VPS13B: variants seen among roughly 807,000 people sequenced by gnomAD.
The protein encoded by VPS13B is intermembrane lipid transfer protein VPS13B.
Under a neutral mutation model 426.4 loss-of-function variants are expected in VPS13B, and 285 were observed. That is an observed-to-expected ratio of 0.67 (90% CI 0.61 to 0.74). The LOEUF (loss-of-function observed/expected upper bound fraction) is 0.74. VPS13B is among the 30% of genes least tolerant of loss of function. The pLI is 0.00. For missense variants in VPS13B, 4,537 were observed against 4,782.6 expected (o/e 0.95, Z 1.51); for synonymous variants, 1,676 against 1,676.4 (o/e 1.00, Z 0.01).
intron 17 of VPS13B, among the ~76,000 whole-genome samples, chr8:99,262,994 C>A (rs1220713586): frequency 6.6e-6 from 1 of 151,988 alleles, no homozygotes; most frequent in Non-Finnish European, 1.5e-5. Context: ...AGACTTGTCT[C>A]AAACTCCTGA....
chr8:99,175,197 T>C (rs976669963), intron 16 of VPS13B, among the ~76,000 whole-genome samples: 7 of 152,214 alleles, frequency 4.6e-5, no homozygotes, highest in Admixed American at 2.6e-4. Flanking sequence ...ATTTGATGAT[T>C]CAGGACTTAA....
At chr8:99,056,315 C>T (rs1843859247) in intron 3 of VPS13B, among the ~76,000 whole-genome samples, 1 of 152,136 alleles carries the variant, frequency 6.6e-6, no homozygotes, top group Admixed American at 6.5e-5. Flanking sequence ...CCTGCCTCAG[C>T]CTCCAAAAAT....
intron 2 of VPS13B, among the ~76,000 whole-genome samples, chr8:99,020,749 A>G (rs1335330711): frequency 6.6e-6 from 1 of 152,214 alleles, no homozygotes; most frequent in Non-Finnish European, 1.5e-5. Context: ...TCATTTGACC[A>G]TAGATGTGAG....
At chr8:99,047,223 C>A (rs866729829) in intron 3 of VPS13B, among the ~76,000 whole-genome samples, 1 of 151,956 alleles carries the variant, frequency 6.6e-6, no homozygotes, top group Middle Eastern at 3.4e-3. Flanking sequence ...ACTGGTCTGT[C>A]CAGGGTATCA....
chr8:99,775,205 T>C (rs1440250081), intron 40 of VPS13B, among the ~76,000 whole-genome samples: 1 of 152,160 alleles, frequency 6.6e-6, no homozygotes, highest in East Asian at 1.9e-4. Flanking sequence ...TGTCTACGTA[T>C]TGAGTATCAC....
intron 21 of VPS13B, among the ~76,000 whole-genome samples, chr8:99,404,170 T>C (rs972855256): frequency 1.3e-5 from 2 of 152,238 alleles, no homozygotes; most frequent in Non-Finnish European, 2.9e-5. Flanking sequence ...AACTGTAATG[T>C]CACTTAATTT....
At chr8:99,201,948 A>T (rs1814357454) in intron 17 of VPS13B, among the ~76,000 whole-genome samples, 1 of 152,212 alleles carries the variant, frequency 6.6e-6, no homozygotes, top group Non-Finnish European at 1.5e-5. Flanking sequence ...AAAATAATGA[A>T]AATATGTTTA....
At chr8:99,411,176 A>G (rs1006793965) in intron 21 of VPS13B, among the ~76,000 whole-genome samples, 2 of 152,194 alleles carry the variant, frequency 1.3e-5, no homozygotes, top group Non-Finnish European at 2.9e-5. Context: ...TTGCACTCCC[A>G]TCAATGGTGT....
intron 36 of VPS13B, among the ~76,000 whole-genome samples, chr8:99,707,440 G>A (rs527809225): frequency 6.6e-6 from 1 of 152,246 alleles, no homozygotes; most frequent in East Asian, 1.9e-4. Flanking sequence ...TGAATATGGA[G>A]GTCATAGATT....
intron 25 of VPS13B, among the ~76,000 whole-genome samples, chr8:99,491,425 A>T (rs145159863): frequency 0.017 from 2,541 of 152,228 alleles, 65 homozygotes; most frequent in African/African-American, 0.058. Flanking sequence ...TAGACTGGGG[A>T]AGTTCTCCTG....
intron 33 of VPS13B, among the ~76,000 whole-genome samples, chr8:99,634,017 A>G (rs1409204006): frequency 6.6e-6 from 1 of 152,006 alleles, no homozygotes; most frequent in Non-Finnish European, 1.5e-5. Flanking sequence ...TTTTTGAGTT[A>G]AACTATATGC....
intron 43 of VPS13B, among the ~76,000 whole-genome samples, chr8:99,806,825 C>T (rs906408446): frequency 4.6e-5 from 7 of 152,184 alleles, no homozygotes; most frequent in African/African-American, 1.4e-4. Context: ...AAACCTCTCA[C>T]GTTAGCTAGG....
chr8:99,049,024 AC>A (rs911817699), intron 3 of VPS13B, among the ~76,000 whole-genome samples: 11 of 151,976 alleles, frequency 7.2e-5, no homozygotes, highest in African/African-American at 2.4e-4. Flanking sequence ...ATGTCTTTCC[AC>A]CCCTTTACCT....
intron 19 of VPS13B, among the ~76,000 whole-genome samples, chr8:99,325,220 G>T (rs1273824591): frequency 6.6e-6 from 1 of 152,114 alleles, no homozygotes; most frequent in Non-Finnish European, 1.5e-5. Flanking sequence ...CAAAGTGTTG[G>T]AATTACAGGC....
chr8:99,175,161 T>C (rs1161566969), intron 16 of VPS13B, among the ~76,000 whole-genome samples: 3 of 152,196 alleles, frequency 2.0e-5, no homozygotes, highest in Admixed American at 6.5e-5. Context: ...CTTCAGTTAT[T>C]GTTGAATGAT....
intron 3 of VPS13B, among the ~76,000 whole-genome samples, chr8:99,087,849 T>C (rs1193184858): frequency 6.6e-6 from 1 of 152,086 alleles, no homozygotes; most frequent in Non-Finnish European, 1.5e-5. Context: ...ACATATATAA[T>C]TGTATGTCAT....
At chr8:99,065,469 A>G (rs1844433588) in intron 3 of VPS13B, among the ~76,000 whole-genome samples, 1 of 152,214 alleles carries the variant, frequency 6.6e-6, no homozygotes, top group African/African-American at 2.4e-5. Flanking sequence ...ACAGCGCTTC[A>G]TACTAAAAAC....
chr8:99,059,377 G>A (rs1167173836), intron 3 of VPS13B, among the ~76,000 whole-genome samples: 1 of 152,100 alleles, frequency 6.6e-6, no homozygotes, highest in African/African-American at 2.4e-5. Flanking sequence ...GTTTCGCCAT[G>A]TTGGCCAGGC....
intron 39 of VPS13B, among the ~76,000 whole-genome samples, chr8:99,743,133 C>G (rs200163203): frequency 0.02 from 3,003 of 152,250 alleles, 104 homozygotes; most frequent in African/African-American, 0.068. Flanking sequence ...CAAAGTCTCA[C>G]GATACAAAAT....
Sources: allele counts gnomAD v4.1 joint callset (sites outside exome capture counted in the v4.1 genomes callset), GRCh38; gene constraint gnomAD v4.1.1; transcripts MANE v1.5; gene names NCBI Gene and HGNC (gene_info 2026-07-23, HGNC 2026-07-21).